STAP2: variants seen among roughly 807,000 people sequenced by gnomAD.
STAP2 encodes signal-transducing adaptor protein 2.
In STAP2, 58 loss-of-function variants were observed where a neutral mutation model predicts 52.7. The observed-to-expected ratio is 1.10, with a 90% CI of 0.89 to 1.37. The LOEUF (loss-of-function observed/expected upper bound fraction) is 1.37. STAP2 is among the 40% of genes most tolerant of loss of function. The pLI is 0.00. For synonymous variants in STAP2, 231 were observed against 210.5 expected (o/e 1.10, Z -0.84); for missense variants, 522 against 519.4 (o/e 1.00, Z -0.05).
intron 11 of STAP2, chr19:4,324,749 T>G: frequency 1.9e-6 from 1 of 522,060 alleles, no homozygotes; most frequent in Non-Finnish European, 3.5e-6. Context: ...GGAGAATCAC[T>G]TGAACCCGGC....
At position 4,328,724 on chromosome 19, in the gene STAP2, C is replaced by T. The variant is rs765779314; in HGVS notation, c.541G>A (p.Gly181Arg). Reference protein sequence around the residue: ...ECGNLLLRPSGDGADGVSVTT... With the variant: ...ECGNLLLRPSRDGADGVSVTT... Reference sequence around the variant, plus strand: ...ACCGACACGCCGTCGGCGCCGTCCCCGCTGGGCCGCAGCAGCAGGTTCCCG... The same window carrying T: ...ACCGACACGCCGTCGGCGCCGTCCCTGCTGGGCCGCAGCAGCAGGTTCCCG... The change falls in exon 6 of 13, where the codon GGG (glycine) becomes AGG (arginine). Residue 181 changes from glycine to arginine, a missense_variant. Gly to Arg is a moderately radical substitution (Grantham distance 125). Transcript: ENST00000594605. The T allele has an allele frequency of 9.9e-6, 16 of 1,608,430 alleles. No homozygotes were observed. Among genetic ancestry groups the T allele is most frequent in the Admixed American group, 3.4e-5 (2 of 59,588 alleles).
intron 3 of STAP2, among the ~76,000 whole-genome samples, chr19:4,333,206 A>G (rs2144791009): frequency 6.7e-6 from 1 of 149,598 alleles, no homozygotes; most frequent in South Asian, 2.1e-4. Flanking sequence ...ATAAAAAATA[A>G]ACCCTCGGCT....
intron 6 of STAP2, 97 bp from the exon 7 acceptor site, chr19:4,327,482 A>G: frequency 7.5e-7 from 1 of 1,330,594 alleles, no homozygotes; most frequent in Non-Finnish European, 1.1e-6. Context: ...CCTCCAATAG[A>G]AACAGGTCCA....
At chr19:4,329,926 A>G in intron 5 of STAP2, 35 bp downstream of exon 5, 1 of 1,514,364 alleles carries the variant, frequency 6.6e-7, no homozygotes, top group Non-Finnish European at 9.0e-7. Flanking sequence ...TCCCGTCCCC[A>G]TCCTGCAGCC....
chr19:4,338,580 A>C, intron 1 of STAP2, 72 bp downstream of exon 1: 3 of 536,164 alleles, frequency 5.6e-6, no homozygotes, highest in Non-Finnish European at 9.2e-6. Context: ...GAGTGGGGAG[A>C]CAGGGACTCA....
intron 4 of STAP2, among the ~76,000 whole-genome samples, chr19:4,330,801 G>A (rs1299698852): frequency 7.2e-6 from 1 of 139,260 alleles, no homozygotes; most frequent in Non-Finnish European, 1.5e-5. Flanking sequence ...TGCAACCTCC[G>A]ACTCCCGGGT....
At chr19:4,325,628 C>T in intron 9 of STAP2, 83 bp from the exon 10 acceptor site, 2 of 1,447,964 alleles carry the variant, frequency 1.4e-6, no homozygotes, top group Middle Eastern at 2.6e-4. Context: ...GTGTGCATGC[C>T]TGGAGACAGG....
intron 1 of STAP2, among the ~76,000 whole-genome samples, chr19:4,335,685 C>T (rs947531560): frequency 2.6e-4 from 40 of 152,280 alleles, no homozygotes; most frequent in African/African-American, 8.9e-4. Flanking sequence ...TGTATTGCTT[C>T]ATTATGTACC....
chr19:4,332,428 A>C (rs1424987911), intron 3 of STAP2, among the ~76,000 whole-genome samples: 3 of 145,996 alleles, frequency 2.1e-5, no homozygotes, highest in African/African-American at 2.5e-5. Context: ...CTGGTCTTGA[A>C]CTCCTGGGCC....
Position 4,325,227 on chromosome 19 carries a change from C to T in STAP2, c.1061G>A (p.Gly354Glu). The part of the protein sequence containing the change: ...PPAKLPKPPV[G>E]PKPEPKVFNG... ...GGGGGGACCCCAACCTGGCTTGGGT[C>T]CAACGGGTGGCTTTGGAAGCTTGGC... The change falls in exon 11 of 13, where the codon GGA becomes GAA. Residue 354 changes from glycine (G) to glutamate (E), a missense_variant. Coordinates refer to ENST00000594605, the MANE Select transcript of STAP2 (RefSeq NM_001013841.2). 6.3e-7 allele frequency: 1 copy of T among 1,590,580 alleles called. No homozygotes were observed. Among genetic ancestry groups the T allele is most frequent in the South Asian group, 1.1e-5 (1 of 88,246 alleles).
In STAP2 at chr19:4,328,676, C is replaced by T; in HGVS notation, c.589G>A (p.Gly197Arg). The change falls in exon 6 of 13, where the codon GGG becomes AGG. Residue 197 changes from glycine to arginine, a missense_variant and splice_region_variant. By Grantham distance (125) the Gly-to-Arg change is moderately radical (BLOSUM62 -2). Transcript: ENST00000594605. ...VSVTTRQMHN[G>R]THVVRHYKVK... ...GGCTCTCCAGACGCGCATGCGCACC[C>T]GTTGTGCATCTGCCGCGTGGTGACC... The T allele has an allele frequency of 1.3e-6, 2 of 1,597,436 alleles. No individual in the cohort carries two copies. Among genetic ancestry groups the T allele is most frequent in the Non-Finnish European group, 1.7e-6 (2 of 1,172,774 alleles).
chr19:4,335,148 C>T (rs1971961533), intron 1 of STAP2, among the ~76,000 whole-genome samples: 1 of 149,456 alleles, frequency 6.7e-6, no homozygotes, highest in Admixed American at 6.7e-5. Context: ...TCAATGCATC[C>T]CTCCATCATC....
Position 4,329,984 on chromosome 19 carries a change from CGCCTCCTCTTTG to C in STAP2, c.420_431del (p.Lys141_Ala144del). 1 of 1,613,600 alleles carries C rather than the reference CGCCTCCTCTTTG, an allele frequency of 6.2e-7. No individual in the cohort carries two copies. The highest frequency in any genetic ancestry group is 1.1e-5 in the South Asian group (1 of 91,064). On this transcript the variant is annotated inframe_deletion, in exon 5 of 13. Coordinates refer to ENST00000594605, the MANE Select transcript of STAP2 (RefSeq NM_001013841.2). ...ACGAGGGTGTCTCCAGTGCACGGCGCGCCTCCTCTTTGGCCAAGACTTCAGACATCATGTATA... is the reference window on the plus strand; with the variant it reads ...ACGAGGGTGTCTCCAGTGCACGGCGCGCCAAGACTTCAGACATCATGTATA...
rs746019430 is a variant in STAP2, at chr19:4,329,982, C to A, written c.434G>T (p.Arg145Leu). Reference sequence around the variant, plus strand: ...TCACGAGGGTGTCTCCAGTGCACGGCGCGCCTCCTCTTTGGCCAAGACTTC... The same window carrying A: ...TCACGAGGGTGTCTCCAGTGCACGGAGCGCCTCCTCTTTGGCCAAGACTTC... ...MSEVLAKEEARRALETPSCFL... is the reference protein window; with the variant it reads ...MSEVLAKEEALRALETPSCFL... The change falls in exon 5 of 13, where the codon CGC (arginine) becomes CTC (leucine). Residue 145 changes from arginine (R) to leucine (L), a missense_variant. Coordinates refer to ENST00000594605, the MANE Select transcript of STAP2 (RefSeq NM_001013841.2). 7.4e-6 allele frequency: 12 copies of A among 1,613,398 alleles called. No homozygotes were observed. The highest frequency in any genetic ancestry group is 1.0e-5 in the Non-Finnish European group (12 of 1,179,968).
rs79657645 is a variant in STAP2 at position 4,328,758 on chromosome 19, G to C, written c.507C>G (p.Tyr169Ter). 21,933 of 1,610,744 alleles carry C rather than the reference G, an allele frequency of 0.014. 188 individuals are homozygous for C. Among genetic ancestry groups the C allele is most frequent in the Non-Finnish European group, 0.017 (19,889 of 1,179,016 alleles). Residue 169 changes from tyrosine (Y) to a stop codon, truncating the protein, a stop_gained, in exon 6 of 13, where the codon TAC becomes TAG. Transcript: ENST00000594605. LOFTEE classifies it high-confidence loss of function. ...RLEAQLLLERYPECGNLLLRP... is the reference protein window; with the variant it reads ...RLEAQLLLER ...GCAGCAGCAGGTTCCCGCACTCGGG[G>C]TAGCGCTCCAGGAGCAGTTGTGCCT...
chr19:4,325,670 A>AT, intron 9 of STAP2, 125 bp from the exon 10 acceptor site: 2 of 1,221,626 alleles, frequency 1.6e-6, no homozygotes, highest in Non-Finnish European at 2.3e-6. Context: ...GTGTGTGCCC[A>AT]TGTATAAGTC....
chr19:4,325,607 C>CG lies in STAP2; in HGVS notation c.830-63dup, dbSNP rs376114160. On this transcript the variant is annotated intron_variant, in intron 9 of 12. Transcript: ENST00000594605. The stretch of plus-strand genomic sequence containing the variant: ...CATACAGGGACACCTTGCAGGTTGG[C>CG]GGGGGGGTCTGTGTGCATGCCTGGA... 2.8e-4 allele frequency: 418 copies of CG among 1,508,894 alleles called. 1 individual carries two copies. The highest frequency in any genetic ancestry group is 4.8e-4 in the Middle Eastern group (2 of 4,128). The allele number at this position is 1,508,894 out of a possible 1,614,324, so 93.5% of individuals were successfully genotyped here. A position where few individuals can be genotyped will look rare whatever the true frequency, so the allele number is the denominator to read the frequency against.
rs73534893 is a variant in STAP2 at position 4,331,121 on chromosome 19, G to C, written c.354+901C>G. Among the ~76,000 whole-genome samples, 458 of 152,160 alleles carry C rather than the reference G, an allele frequency of 3.0e-3. 1 individual carries two copies. Among genetic ancestry groups the C allele is most frequent in the African/African-American group, 0.01 (435 of 41,536 alleles). ...AAGGAGGGTGGATTGCTTGAGCACG[G>C]AAGTTGGAGACCAGCCCGGGCAACA... On this transcript the variant is annotated intron_variant, in intron 4 of 12. Transcript: ENST00000594605.
At chr19:4,335,195 A>C (rs865860706) in intron 1 of STAP2, among the ~76,000 whole-genome samples, 1 of 141,966 alleles carries the variant, frequency 7.0e-6, no homozygotes, top group South Asian at 2.3e-4. Context: ...TCATCCATCC[A>C]TCATCCATCC....
Sources: allele counts gnomAD v4.1 joint callset (sites outside exome capture counted in the v4.1 genomes callset), GRCh38; gene constraint gnomAD v4.1.1; transcripts MANE v1.5; gene names NCBI Gene and HGNC (gene_info 2026-07-23, HGNC 2026-07-21).